Variants in GREB1L observed in about 807,000 individuals in gnomAD.
The protein encoded by GREB1L is GREB1-like protein.
Under a neutral mutation model 200.8 loss-of-function variants are expected in GREB1L, and 17 were observed. The observed-to-expected ratio is 0.08, with a 90% CI of 0.06 to 0.13. The LOEUF is 0.13. Ranked by LOEUF, GREB1L falls within the 10% of genes least tolerant of loss-of-function variation. The pLI is 1.00. For missense variants in GREB1L, 1,657 were observed against 2,367.7 expected, an observed-to-expected ratio of 0.70 and a Z score of 6.23; for synonymous variants, 789 against 893.0, an observed-to-expected ratio of 0.88 and a Z score of 2.08.
At chr18:21,334,391 A>G (rs1374454177) in intron 1 of GREB1L, among the ~76,000 whole-genome samples, 1 of 152,222 alleles carries the variant, frequency 6.6e-6, no homozygotes, top group East Asian at 1.9e-4. Flanking sequence ...TGATAAAACT[A>G]AAGTGATGAT....
At chr18:21,291,882 AC>A (rs1476417977) in intron 1 of GREB1L, among the ~76,000 whole-genome samples, 1 of 152,220 alleles carries the variant, frequency 6.6e-6, no homozygotes, top group African/African-American at 2.4e-5. Flanking sequence ...AATAACAAAA[AC>A]CACTGTAAAG....
At chr18:21,419,099 C>T (rs1300975711) in intron 7 of GREB1L, among the ~76,000 whole-genome samples, 2 of 152,000 alleles carry the variant, frequency 1.3e-5, no homozygotes, top group East Asian at 1.9e-4. Flanking sequence ...CTATTCATGC[C>T]GTATAGTTTT....
chr18:21,263,789 C>T (rs8089543), intron 1 of GREB1L, among the ~76,000 whole-genome samples: 3,842 of 152,280 alleles, frequency 0.025, 70 homozygotes, highest in Non-Finnish European at 0.04. Flanking sequence ...CATTCTAAGT[C>T]AGTCAGTCAT....
intron 12 of GREB1L, 98 bp downstream of exon 12, chr18:21,449,934 A>AG: frequency 2.2e-6 from 2 of 910,042 alleles, no homozygotes; most frequent in Non-Finnish European, 3.2e-6. Context: ...CCACATAATC[A>AG]ACCTCTGATT....
chr18:21,452,896 T>A (rs937881364), intron 14 of GREB1L, among the ~76,000 whole-genome samples: 2 of 152,212 alleles, frequency 1.3e-5, no homozygotes, highest in African/African-American at 4.8e-5. Flanking sequence ...TGGCCCCCAC[T>A]TGATAGGAAT....
chr18:21,376,047 A>G (rs2040057086), intron 2 of GREB1L, among the ~76,000 whole-genome samples: 2 of 152,268 alleles, frequency 1.3e-5, no homozygotes, highest in Middle Eastern at 3.4e-3. Context: ...TTAATTCTAA[A>G]AAGTCTTTGA....
chr18:21,474,883 A>G (rs1297854295), intron 16 of GREB1L, among the ~76,000 whole-genome samples: 1 of 152,040 alleles, frequency 6.6e-6, no homozygotes, highest in Non-Finnish European at 1.5e-5. Context: ...CCCCCTTATG[A>G]TACTATCAGA....
intron 1 of GREB1L, among the ~76,000 whole-genome samples, chr18:21,304,470 C>T (rs1415315311): frequency 6.6e-6 from 1 of 152,010 alleles, no homozygotes; most frequent in Non-Finnish European, 1.5e-5. Flanking sequence ...ACACAGTCCC[C>T]ACCTTTCTCA....
chr18:21,340,532 T>C (rs1186486778), intron 1 of GREB1L, among the ~76,000 whole-genome samples: 1 of 151,784 alleles, frequency 6.6e-6, no homozygotes, highest in African/African-American at 2.4e-5. Context: ...TTAACCAAGA[T>C]TTTTTCTTTC....
intron 1 of GREB1L, among the ~76,000 whole-genome samples, chr18:21,278,389 A>AAAAAAAAAAAAT (rs750178610): frequency 2.4e-5 from 3 of 125,620 alleles, no homozygotes; most frequent in African/African-American, 9.6e-5. Context: ...TCAAAAAAAA[A>AAAAAAAAAAAAT]AAATAAATAA....
At position 21,426,980 on chromosome 18, in the gene GREB1L, A is replaced by AC. The variant is rs1191454188; in HGVS notation, c.833-12541_833-12540insC. ...TCTCAAAAAAAAAAAAAACAAAAAA[A>AC]AAAAAAACAAAAAAAAAAAACTGTT... On this transcript the variant is annotated intron_variant, in intron 7 of 32. Coordinates refer to ENST00000424526, the MANE Select transcript of GREB1L (RefSeq NM_001142966.3). 2.9e-4 allele frequency among the ~76,000 whole-genome samples: 23 copies of AC among 79,142 alleles called. 1 individual carries two copies. Among genetic ancestry groups the AC allele is most frequent in the African/African-American group, 2.1e-3 (21 of 9,956 alleles). 51.9% of individuals were successfully genotyped at this position (79,142 alleles called of 152,430 possible).
At position 21,440,318 on chromosome 18, in the gene GREB1L, T is replaced by C; in HGVS notation, c.999T>C (p.Tyr333=). The change falls in exon 9 of 33, where the codon TAT becomes TAC. Residue 333 remains tyrosine, a synonymous_variant. Coordinates refer to ENST00000424526, the MANE Select transcript of GREB1L (RefSeq NM_001142966.3). The part of the protein sequence containing the change: ...GPPKKRHRGW[Y]PGSPLPQPGL... ...CAAAGAAACGACACCGGGGATGGTA[T>C]CCTGGGTCACCTCTCCCCCAACCTG... is the stretch of plus-strand genomic sequence containing the variant. The C allele has an allele frequency of 1.3e-6, 2 of 1,551,636 alleles. No homozygotes were observed. The highest frequency in any genetic ancestry group is 1.7e-6 in the Non-Finnish European group (2 of 1,146,806).
At chr18:21,459,633 T>C (rs955440563) in intron 15 of GREB1L, among the ~76,000 whole-genome samples, 4 of 152,116 alleles carry the variant, frequency 2.6e-5, no homozygotes, top group Middle Eastern at 3.2e-3. Flanking sequence ...CAGAGCTTTC[T>C]TCTGTAAGAT....
At chr18:21,276,857 A>G (rs556002928) in intron 1 of GREB1L, among the ~76,000 whole-genome samples, 109 of 149,756 alleles carry the variant, frequency 7.3e-4, no homozygotes, top group African/African-American at 2.5e-3. Flanking sequence ...CGTTTTTGAT[A>G]CTTCTTTGGA....
At chr18:21,417,019 CAAAT>C (rs1223619070) in intron 7 of GREB1L, among the ~76,000 whole-genome samples, 2 of 151,638 alleles carry the variant, frequency 1.3e-5, no homozygotes, top group African/African-American at 4.8e-5. Flanking sequence ...GACTCCATCT[CAAAT>C]AAATAAATAA....
intron 1 of GREB1L, among the ~76,000 whole-genome samples, chr18:21,292,586 T>A (rs974616295): frequency 5.3e-5 from 8 of 152,216 alleles, no homozygotes; most frequent in African/African-American, 1.9e-4. Flanking sequence ...CTATTCTGAA[T>A]GTTTCATTGG....
intron 15 of GREB1L, among the ~76,000 whole-genome samples, chr18:21,455,885 T>G (rs1031183812): frequency 3.3e-5 from 5 of 150,812 alleles, no homozygotes; most frequent in African/African-American, 7.3e-5. Context: ...GTGCTCCGGA[T>G]TCTGCATTTG....
intron 11 of GREB1L, 50 bp from the exon 12 acceptor site, chr18:21,449,460 T>C: frequency 8.8e-7 from 1 of 1,140,312 alleles, no homozygotes. Flanking sequence ...TGTGTGTGTC[T>C]CTCCTCCCTG....
chr18:21,436,670 G>GT (rs1491257046), intron 7 of GREB1L, among the ~76,000 whole-genome samples: 2 of 6,426 alleles, frequency 3.1e-4, no homozygotes, highest in Non-Finnish European at 9.1e-4. Flanking sequence ...AAGTTCAGTG[G>GT]TGTGTGTGTG....
Sources: gnomAD v4.1 joint callset for allele counts (sites outside exome capture counted in the v4.1 genomes callset) on GRCh38, gnomAD v4.1.1 for gene constraint, MANE v1.5 for transcripts, NCBI Gene and HGNC (gene_info 2026-07-23, HGNC 2026-07-21) for gene names.